Variants in RBM34 observed in about 807,000 individuals in gnomAD.
RBM34 encodes the protein RNA binding motif protein 34.
A neutral mutation model predicts 44.6 loss-of-function variants in RBM34; 39 were observed. The ratio of observed to expected loss-of-function variants is 0.87; its 90% confidence interval spans 0.68 to 1.14. RBM34 has a LOEUF of 1.14. Ranked by LOEUF, RBM34 falls within the 50% of genes most tolerant of loss-of-function variation. The probability of loss-of-function intolerance (pLI) is 0.00; values close to 1 mark genes in which losing one functional copy is unlikely to be tolerated. For missense variants in RBM34, 572 were observed against 517.9 expected (o/e 1.10, Z -1.01); for synonymous variants, 194 against 184.0 (o/e 1.05, Z -0.44).
In RBM34 at chr1:235,140,273, GGGAGGTGT is replaced by G. The variant is rs1276576331; in HGVS notation, c.702-2107_702-2100del. ...CCGGAGCCGGCTCCCTCAGCTTGCA[GGGAGGTGT>G]GGAGGGAGAGGCGCGAGTGGGAACC... On this transcript the variant is annotated intron_variant, in intron 6 of 10. Coordinates refer to ENST00000408888, the MANE Select transcript of RBM34 (RefSeq NM_015014.4). Among the ~76,000 whole-genome samples, 14 of 152,360 alleles carry G rather than the reference GGGAGGTGT, an allele frequency of 9.2e-5. No homozygotes were observed. In the South Asian group the frequency reaches 2.9e-3, roughly 32 times the overall value.
In RBM34 at chr1:235,154,950, T is replaced by C; in HGVS notation, c.528A>G (p.Gln176=). ...TCTCATTCTTTAATCTCTCTTCTTCTTGGTTGATTTGAATTTTCTTTCTTT... is the reference window on the plus strand; with the variant it reads ...TCTCATTCTTTAATCTCTCTTCTTCCTGGTTGATTTGAATTTTCTTTCTTT... ...VSQRKKIQIN[Q]EEERLKNERT... The change falls in exon 4 of 11, where the codon CAA becomes CAG. Residue 176 remains glutamine, a synonymous_variant. Coordinates refer to ENST00000408888, the MANE Select transcript of RBM34 (RefSeq NM_015014.4). The C allele has an allele frequency of 6.2e-7, 1 of 1,614,118 alleles. No individual in the cohort carries two copies. Among genetic ancestry groups the C allele is most frequent in the South Asian group, 1.1e-5 (1 of 91,082 alleles).
rs879729527 is a variant in RBM34 at position 235,154,245 on chromosome 1, CAA to C, written c.597+634_597+635del. Among the ~76,000 whole-genome samples, 34 of 107,718 alleles carry C rather than the reference CAA, an allele frequency of 3.2e-4. 1 individual carries two copies. Among genetic ancestry groups the C allele is most frequent in the Admixed American group, 7.9e-4 (8 of 10,160 alleles). The allele number at this position is 107,718 out of a possible 152,430, so 70.7% of individuals were successfully genotyped here. ...TGGGCAACAGAGCGAGACTCTGTCT[CAA>C]AAAAAAAAAAAGAGAGAGAGAGACA... is the stretch of plus-strand genomic sequence containing the variant. On this transcript the variant is annotated intron_variant, in intron 4 of 10. Coordinates refer to ENST00000408888, the MANE Select transcript of RBM34 (RefSeq NM_015014.4).
intron 6 of RBM34, among the ~76,000 whole-genome samples, chr1:235,141,304 C>T (rs1443950223): frequency 6.6e-6 from 1 of 151,784 alleles, no homozygotes; most frequent in Non-Finnish European, 1.5e-5. Flanking sequence ...CAATCAGCAC[C>T]CTGTGTTTAG....
chr1:235,155,965 G>A (rs1349838646), intron 3 of RBM34, among the ~76,000 whole-genome samples: 1 of 146,498 alleles, frequency 6.8e-6, no homozygotes, highest in East Asian at 2.0e-4. Context: ...CGCCTCTCTG[G>A]TTCACAACGA....
chr1:235,143,915 A>G (rs1661793585), intron 6 of RBM34, among the ~76,000 whole-genome samples: 1 of 152,234 alleles, frequency 6.6e-6, no homozygotes, highest in Non-Finnish European at 1.5e-5. Context: ...ACGGTGGCTC[A>G]AGCCTGTAAT....
intron 10 of RBM34, among the ~76,000 whole-genome samples, chr1:235,134,588 T>G (rs890023035): frequency 1.3e-5 from 2 of 152,186 alleles, no homozygotes; most frequent in Non-Finnish European, 2.9e-5. Context: ...ATTTACTCTA[T>G]CATACAGAAG....
rs756204323 is a variant in RBM34, at chr1:235,135,658, G to C, written c.1002C>G (p.Leu334=). 1.5e-5 allele frequency: 24 copies of C among 1,612,988 alleles called. No individual in the cohort carries two copies. In the Admixed American group the frequency reaches 4.0e-4, roughly 27 times the overall value. The part of the protein sequence containing the change: ...TGIGKGFGYV[L]FENTDSVHLA... ...ATGCATTAGTCTCCCATACCTCAAAGAGCACATAGCCAAACCCTTTGCCGA... is the reference window on the plus strand; with the variant it reads ...ATGCATTAGTCTCCCATACCTCAAACAGCACATAGCCAAACCCTTTGCCGA... The change falls in exon 10 of 11, where the codon CTC becomes CTG. Residue 334 remains leucine (L), a synonymous_variant. Coordinates refer to ENST00000408888, the MANE Select transcript of RBM34 (RefSeq NM_015014.4).
chr1:235,160,683 T>C (rs1227092757), intron 2 of RBM34, 36 bp from the exon 3 acceptor site: 1 of 1,598,460 alleles, frequency 6.3e-7, no homozygotes, highest in Non-Finnish European at 8.5e-7. Context: ...TGAGACCCCA[T>C]ACTTCTAGAA....
At chr1:235,155,822 C>CATATATACAT (rs1662387531) in intron 3 of RBM34, among the ~76,000 whole-genome samples, 1 of 64,184 alleles carries the variant, frequency 1.6e-5, no homozygotes, top group Non-Finnish European at 2.6e-5. Context: ...CATACATATA[C>CATATATACAT]ATATATATAT....
chr1:235,160,046 G>T, intron 3 of RBM34: 1 of 252,092 alleles, frequency 4.0e-6, no homozygotes, highest in South Asian at 4.5e-5. Context: ...TTGAGGTCAG[G>T]AGTTCCAGAC....
At chr1:235,152,104 GT>G (rs1328808792) in intron 5 of RBM34, among the ~76,000 whole-genome samples, 1 of 151,738 alleles carries the variant, frequency 6.6e-6, no homozygotes, top group Non-Finnish European at 1.5e-5. Context: ...GCCCAAAAAT[GT>G]ACACTATGGT....
chr1:235,154,042 C>A (rs1182101876), intron 4 of RBM34, among the ~76,000 whole-genome samples: 1 of 151,984 alleles, frequency 6.6e-6, no homozygotes, highest in Non-Finnish European at 1.5e-5. Context: ...GTCAGGAAAT[C>A]GAGACCATCC....
chr1:235,152,004 GC>G (rs1272412275), intron 5 of RBM34, among the ~76,000 whole-genome samples: 16 of 151,276 alleles, frequency 1.1e-4, no homozygotes, highest in African/African-American at 3.7e-4. Flanking sequence ...CTGCACTCCA[GC>G]CTGGGTGAGA....
chr1:235,144,881 C>T (rs1285948825), intron 6 of RBM34, among the ~76,000 whole-genome samples: 1 of 152,108 alleles, frequency 6.6e-6, no homozygotes, highest in Non-Finnish European at 1.5e-5. Context: ...CCCGTCTCTA[C>T]TAAAAATACA....
intron 10 of RBM34, among the ~76,000 whole-genome samples, chr1:235,134,745 G>GTTTTT (rs775688608): frequency 7.3e-6 from 1 of 136,832 alleles, no homozygotes. Flanking sequence ...TCGTTTTCGG[G>GTTTTT]TTTTTTTTTT....
intron 6 of RBM34, among the ~76,000 whole-genome samples, chr1:235,141,141 C>T (rs1661666999): frequency 6.6e-6 from 1 of 151,716 alleles, no homozygotes; most frequent in South Asian, 2.1e-4. Context: ...CACCAATCGG[C>T]ACCCTGTGTT....
rs1210708469 is a variant in RBM34 at position 235,152,885 on chromosome 1, T to C, written c.598-120A>G. On this transcript the variant is annotated intron_variant, in intron 4 of 10. Coordinates refer to ENST00000408888, the MANE Select transcript of RBM34 (RefSeq NM_015014.4). ...TACTGCCAGGCTTTTTTTTTTTTTT[T>C]TGAGACAGAGTCTTGCACTTTCGCC... is the stretch of plus-strand genomic sequence containing the variant. 15 of 795,784 alleles carry C rather than the reference T, an allele frequency of 1.9e-5. No homozygotes were observed. The East Asian group carries it at 4.3e-4, about 23-fold the overall frequency. The allele number at this position is 795,784 out of a possible 1,614,324, so 49.3% of individuals were successfully genotyped here. A position where few individuals can be genotyped will look rare whatever the true frequency, so the allele number is the denominator to read the frequency against.
intron 5 of RBM34, among the ~76,000 whole-genome samples, chr1:235,148,876 A>G (rs745720428): frequency 5.9e-5 from 9 of 151,812 alleles, no homozygotes; most frequent in Middle Eastern, 3.4e-3. Context: ...GGGATTACAA[A>G]CATGAGCCAC....
At chr1:235,137,529 A>G (rs537095802) in intron 8 of RBM34, among the ~76,000 whole-genome samples, 3 of 147,604 alleles carry the variant, frequency 2.0e-5, no homozygotes, top group African/African-American at 7.5e-5. Flanking sequence ...CATGCATCAC[A>G]CACTTGACTA....
Sources: allele counts gnomAD v4.1 joint callset (sites outside exome capture counted in the v4.1 genomes callset), GRCh38; gene constraint gnomAD v4.1.1; transcripts MANE v1.5; gene names NCBI Gene and HGNC (gene_info 2026-07-23, HGNC 2026-07-21).